The following CBLN2 variants were observed in gnomAD, a reference collection of about 807,000 sequenced individuals.
CBLN2 encodes the protein cerebellin 2 precursor, also known as cerebellin-2.
In CBLN2, 7 loss-of-function variants were observed where a neutral mutation model predicts 15.0. The ratio of observed to expected loss-of-function variants is 0.47; its 90% confidence interval spans 0.27 to 0.88. The LOEUF (loss-of-function observed/expected upper bound fraction) is 0.88. Among genes scored for constraint, CBLN2 ranks in the 40% least tolerant of loss-of-function variants. The pLI, the probability that CBLN2 is intolerant of heterozygous loss-of-function variation, is 0.14. For synonymous variants in CBLN2, 149 were observed against 135.2 expected, an observed-to-expected ratio of 1.10 and a Z score of -0.71; for missense variants, 242 against 304.5, an observed-to-expected ratio of 0.79 and a Z score of 1.53.
intron 1 of CBLN2, among the ~76,000 whole-genome samples, chr18:72,616,699 A>G (rs1441724280): frequency 1.3e-5 from 2 of 152,138 alleles, no homozygotes; most frequent in African/African-American, 4.8e-5. Flanking sequence ...AATGACAGAC[A>G]ATCTAATTTG....
At chr18:72,566,752 C>T (rs913163504) in intron 1 of CBLN2, among the ~76,000 whole-genome samples, 8 of 152,058 alleles carry the variant, frequency 5.3e-5, no homozygotes, top group South Asian at 2.1e-4. Context: ...GGGTAGTTAA[C>T]AATGATGTAT....
At chr18:72,637,603 G>A (rs9319848) in intron 1 of CBLN2, among the ~76,000 whole-genome samples, 120,972 of 152,174 alleles carry the variant, frequency 0.79, 48,318 homozygotes, top group Middle Eastern at 0.89. Context: ...GTGAGCCCCC[G>A]AGTTATGTGC....
At chr18:72,623,571 A>T (rs147672361) in intron 1 of CBLN2, among the ~76,000 whole-genome samples, 30 of 152,276 alleles carry the variant, frequency 2.0e-4, no homozygotes, top group African/African-American at 7.2e-4. Context: ...AGAAGCCCTA[A>T]GAGCTGAAGC....
chr18:72,594,996 TG>T (rs1252892158), intron 1 of CBLN2, among the ~76,000 whole-genome samples: 1 of 151,934 alleles, frequency 6.6e-6, no homozygotes. Context: ...ATTGACTTTT[TG>T]TATTGTGTTT....
chr18:72,569,793 T>C (rs12959806), intron 1 of CBLN2, among the ~76,000 whole-genome samples: 81,236 of 151,884 alleles, frequency 0.53, 26,287 homozygotes, highest in Non-Finnish European at 0.73. Context: ...TGAGGGATTC[T>C]CCCCTACGAT....
At position 72,544,205 on chromosome 18, in the gene CBLN2, G is replaced by GA. The variant is rs200778547; in HGVS notation, c.-441dup. 61 of 150,636 alleles carry GA rather than the reference G, an allele frequency of 4.0e-4. No homozygotes were observed. The highest frequency in any genetic ancestry group is 8.4e-4 in the South Asian group (4 of 4,744). 9.3% of individuals were successfully genotyped at this position (150,636 alleles called of 1,614,324 possible). On this transcript the variant is annotated 5_prime_UTR_variant, in exon 1 of 5. Transcript: ENST00000269503. ...CTGGGATGGCTGGGACGAAGAGAGG[G>GA]AAAAAAAAAGCTTGAGAATTTGATG...
chr18:72,585,526 T>G (rs2069436886), intron 1 of CBLN2, among the ~76,000 whole-genome samples: 1 of 152,116 alleles, frequency 6.6e-6, no homozygotes, highest in African/African-American at 2.4e-5. Context: ...TGAGTGTGGC[T>G]GAGTCCGGTG....
intron 1 of CBLN2, among the ~76,000 whole-genome samples, chr18:72,580,012 A>G (rs1309055408): frequency 6.6e-6 from 1 of 152,076 alleles, no homozygotes; most frequent in African/African-American, 2.4e-5. Context: ...CTGAAAAGAA[A>G]TATGAAAACT....
chr18:72,627,734 A>G (rs1434081147), intron 1 of CBLN2, among the ~76,000 whole-genome samples: 4 of 152,274 alleles, frequency 2.6e-5, no homozygotes, highest in South Asian at 2.1e-4. Context: ...TAATCATGAC[A>G]TTAGCTCACA....
chr18:72,547,110 TCACACACACACACA>T (rs36204454), upstream of CBLN2, among the ~76,000 whole-genome samples: 515 of 148,700 alleles, frequency 3.5e-3, 9 homozygotes, highest in Admixed American at 0.025. Flanking sequence ...AAAGAAAGTG[TCACACACACACACA>T]CACACACACA....
chr18:72,605,455 AG>A (rs1276621276), intron 1 of CBLN2, among the ~76,000 whole-genome samples: 1 of 152,244 alleles, frequency 6.6e-6, no homozygotes, highest in Non-Finnish European at 1.5e-5. Flanking sequence ...AATAGATGCA[AG>A]GGGATAATAC....
intron 1 of CBLN2, among the ~76,000 whole-genome samples, chr18:72,552,391 T>C (rs1010450881): frequency 6.7e-6 from 1 of 149,656 alleles, no homozygotes; most frequent in Admixed American, 6.6e-5. Context: ...GCCAAAATAC[T>C]TTTTTTTTAA....
At chr18:72,581,756 T>C (rs1412938783) in intron 1 of CBLN2, among the ~76,000 whole-genome samples, 1 of 152,238 alleles carries the variant, frequency 6.6e-6, no homozygotes, top group Non-Finnish European at 1.5e-5. Context: ...ATTTTTTCTC[T>C]ATGATGAGTG....
At chr18:72,601,231 C>T (rs1007631280) in intron 1 of CBLN2, among the ~76,000 whole-genome samples, 5 of 152,144 alleles carry the variant, frequency 3.3e-5, no homozygotes, top group African/African-American at 1.2e-4. Context: ...GTTAGCTTGA[C>T]CTACGCCCCG....
In CBLN2 at chr18:72,538,245, A is replaced by G. The variant is rs2144858027; in HGVS notation, c.606T>C (p.Leu202=). The stretch of plus-strand genomic sequence containing the variant: ...AGCCCCCCATGAGGTTGCCTCTCTC[A>G]AGTTTGAGATGCACTTTGTCTTCCC... ...MEREDKVHLK[L]ERGNLMGGWK... is the part of the protein sequence containing the mutation. The change falls in exon 5 of 5, where the codon CTT becomes CTC. Residue 202 remains leucine, a synonymous_variant. Transcript: ENST00000269503. The G allele has an allele frequency of 1.9e-6, 3 of 1,614,052 alleles. No homozygotes were observed. The highest frequency in any genetic ancestry group is 4.5e-5 in the East Asian group (2 of 44,866).
chr18:72,633,167 T>G (rs1204981696), intron 1 of CBLN2, among the ~76,000 whole-genome samples: 1 of 152,186 alleles, frequency 6.6e-6, no homozygotes, highest in Non-Finnish European at 1.5e-5. Context: ...CCCTAGAATT[T>G]TTCTCTCCAT....
chr18:72,615,153 T>C (rs1198009601), intron 1 of CBLN2, among the ~76,000 whole-genome samples: 4 of 136,520 alleles, frequency 2.9e-5, no homozygotes, highest in South Asian at 4.4e-4. Context: ...AATATAAATA[T>C]AGAAAATATA....
At position 72,630,114 on chromosome 18, in the gene CBLN2, C is replaced by T. The variant is rs79964163; in HGVS notation, c.15+8211G>A. On this transcript the variant is annotated intron_variant, in intron 1 of 2. Transcript: ENST00000581073. ...TGAATTCTATTACCATGGCTTCATACGCTTAAGATTTTGTACCTATAAAAC... is the reference window on the plus strand; with the variant it reads ...TGAATTCTATTACCATGGCTTCATATGCTTAAGATTTTGTACCTATAAAAC... Among the ~76,000 whole-genome samples the T allele has an allele frequency of 3.7e-3, 565 of 152,222 alleles. 5 individuals are homozygous for T. Among genetic ancestry groups the T allele is most frequent in the African/African-American group, 0.013 (539 of 41,540 alleles).
intron 1 of CBLN2, among the ~76,000 whole-genome samples, chr18:72,621,253 T>C (rs1334462177): frequency 6.6e-6 from 1 of 152,218 alleles, no homozygotes; most frequent in Non-Finnish European, 1.5e-5. Context: ...TCAGTGGTTT[T>C]GGACTAAGAA....
Sources: gnomAD v4.1 joint callset for allele counts (sites outside exome capture counted in the v4.1 genomes callset) on GRCh38, gnomAD v4.1.1 for gene constraint, MANE v1.5 for transcripts, NCBI Gene and HGNC (gene_info 2026-07-23, HGNC 2026-07-21) for gene names.